Variants in CFAP299 observed in about 807,000 individuals in gnomAD.
The protein encoded by CFAP299 is cilia and flagella associated protein 299, also known as cilia- and flagella-associated protein 299.
A neutral mutation model predicts 27.0 loss-of-function variants in CFAP299; 21 were observed. That is an observed-to-expected ratio of 0.78 (90% CI 0.55 to 1.12). The LOEUF (loss-of-function observed/expected upper bound fraction) is 1.12, where lower values mean the gene tolerates loss of function less well. CFAP299 is among the 50% of genes most tolerant of loss of function. The pLI is 0.00. For synonymous variants in CFAP299, 104 were observed against 98.1 expected (o/e 1.06, Z -0.36); for missense variants, 310 against 276.6 (o/e 1.12, Z -0.86).
chr4:80,784,076 T>A (rs1462364131), intron 3 of CFAP299, among the ~76,000 whole-genome samples: 1 of 152,182 alleles, frequency 6.6e-6, no homozygotes, highest in Non-Finnish European at 1.5e-5. Flanking sequence ...GGATCTCTTT[T>A]TTTAGAGGCT....
At chr4:80,333,371 C>T (rs1383217622), upstream of CFAP299, among the ~76,000 whole-genome samples, 20 of 152,306 alleles carry the variant, frequency 1.3e-4, no homozygotes, top group East Asian at 3.7e-3. Flanking sequence ...TAGGCAACAC[C>T]AGACACAAAT....
intron 3 of CFAP299, among the ~76,000 whole-genome samples, chr4:80,733,475 C>T (rs879579198): frequency 6.6e-6 from 1 of 152,084 alleles, no homozygotes; most frequent in African/African-American, 2.4e-5. Flanking sequence ...TCCAATTCTA[C>T]TCTTTTAGTT....
At chr4:80,504,964 C>A (rs942900425) in intron 2 of CFAP299, among the ~76,000 whole-genome samples, 5 of 146,324 alleles carry the variant, frequency 3.4e-5, no homozygotes, top group Non-Finnish European at 4.5e-5. Context: ...TATGTTCATC[C>A]CCCATTTTAT....
At chr4:80,648,477 G>C (rs184188546) in intron 3 of CFAP299, among the ~76,000 whole-genome samples, 18 of 152,248 alleles carry the variant, frequency 1.2e-4, no homozygotes, top group Non-Finnish European at 2.5e-4. Context: ...AGCTGTGTCA[G>C]ATTAAGAGGA....
chr4:80,927,362 A>T (rs1736357568), intron 4 of CFAP299, among the ~76,000 whole-genome samples: 1 of 152,068 alleles, frequency 6.6e-6, no homozygotes, highest in African/African-American at 2.4e-5. Context: ...AAGTATCCTA[A>T]AATGTTTATT....
intron 4 of CFAP299, among the ~76,000 whole-genome samples, chr4:80,894,797 T>TGA (rs151177808): frequency 0.039 from 5,900 of 151,942 alleles, 270 homozygotes; most frequent in African/African-American, 0.11. Context: ...AGTGTGTGTG[T>TGA]GAGAGAGAGA....
intron 2 of CFAP299, among the ~76,000 whole-genome samples, chr4:80,365,843 A>G (rs554656982): frequency 6.6e-6 from 1 of 152,338 alleles, no homozygotes; most frequent in African/African-American, 2.4e-5. Flanking sequence ...TTGACATCAC[A>G]TGTCCATTTT....
At chr4:80,670,997 G>T (rs186554960) in intron 3 of CFAP299, among the ~76,000 whole-genome samples, 50 of 152,310 alleles carry the variant, frequency 3.3e-4, no homozygotes, top group African/African-American at 1.1e-3. Flanking sequence ...AGTTTAATTA[G>T]ATCGCATTTG....
At chr4:80,954,591 T>A (rs567882371) in intron 5 of CFAP299, among the ~76,000 whole-genome samples, 1 of 152,016 alleles carries the variant, frequency 6.6e-6, no homozygotes, top group Non-Finnish European at 1.5e-5. Flanking sequence ...CACAGTTAAA[T>A]GAACAAAAAT....
chr4:80,843,893 T>A (rs1041073865), intron 3 of CFAP299, among the ~76,000 whole-genome samples: 9 of 151,424 alleles, frequency 5.9e-5, no homozygotes, highest in African/African-American at 2.2e-4. Context: ...GTATATCTCC[T>A]AATGTATCCC....
At chr4:80,738,204 G>T (rs1371541714) in intron 3 of CFAP299, among the ~76,000 whole-genome samples, 2 of 152,148 alleles carry the variant, frequency 1.3e-5, no homozygotes, top group African/African-American at 2.4e-5. Flanking sequence ...GTATTCTGCA[G>T]CCATTGGATG....
chr4:80,351,502 G>A (rs2109984709), intron 1 of CFAP299, among the ~76,000 whole-genome samples: 1 of 151,820 alleles, frequency 6.6e-6, no homozygotes, highest in South Asian at 2.1e-4. Flanking sequence ...ATGTAATAGT[G>A]GAGATAAAAT....
At chr4:80,607,602 A>T (rs1357905813) in intron 3 of CFAP299, among the ~76,000 whole-genome samples, 1 of 152,128 alleles carries the variant, frequency 6.6e-6, no homozygotes, top group Non-Finnish European at 1.5e-5. Flanking sequence ...AAAAGAGAAA[A>T]CACCAAGATA....
At chr4:80,625,594 A>G (rs879267385) in intron 3 of CFAP299, among the ~76,000 whole-genome samples, 4 of 151,964 alleles carry the variant, frequency 2.6e-5, no homozygotes, top group African/African-American at 7.2e-5. Flanking sequence ...AGCTGAATGA[A>G]TTTAAAAAAC....
chr4:80,773,446 A>G (rs1037085256), intron 3 of CFAP299, among the ~76,000 whole-genome samples: 7 of 152,142 alleles, frequency 4.6e-5, no homozygotes, highest in African/African-American at 1.4e-4. Flanking sequence ...TACATGGTTG[A>G]CATAGTAACT....
chr4:80,497,053 G>A (rs1188487070), intron 2 of CFAP299, among the ~76,000 whole-genome samples: 1 of 152,036 alleles, frequency 6.6e-6, no homozygotes, highest in Non-Finnish European at 1.5e-5. Context: ...CTCCCACCAG[G>A]CCCCACCTTC....
chr4:80,641,811 T>A (rs1219628226), intron 3 of CFAP299, among the ~76,000 whole-genome samples: 1 of 152,162 alleles, frequency 6.6e-6, no homozygotes, highest in African/African-American at 2.4e-5. Context: ...AGGGATGCTT[T>A]CAAAACAAAG....
chr4:80,510,755 G>T (rs954607345), intron 2 of CFAP299, among the ~76,000 whole-genome samples: 1 of 152,160 alleles, frequency 6.6e-6, no homozygotes, highest in Admixed American at 6.6e-5. Context: ...TAATAAACCT[G>T]TGGAAACAAA....
At chr4:80,778,338 T>A (rs564370892) in intron 3 of CFAP299, among the ~76,000 whole-genome samples, 5 of 152,230 alleles carry the variant, frequency 3.3e-5, no homozygotes, top group Non-Finnish European at 7.4e-5. Flanking sequence ...AGAGCCCCCT[T>A]GTACAAATTG....
Sources: allele counts gnomAD v4.1 joint callset (sites outside exome capture counted in the v4.1 genomes callset), GRCh38; gene constraint gnomAD v4.1.1; transcripts MANE v1.5; gene names NCBI Gene and HGNC (gene_info 2026-07-23, HGNC 2026-07-21).